ZFHX4: variants seen among roughly 807,000 people sequenced by gnomAD.
ZFHX4 encodes zinc finger homeobox 4.
In ZFHX4, 56 loss-of-function variants were observed where a neutral mutation model predicts 267.6. The ratio of observed to expected loss-of-function variants is 0.21; its 90% CI spans 0.17 to 0.26. The LOEUF (loss-of-function observed/expected upper bound fraction) is 0.26. Ranked by LOEUF, ZFHX4 falls within the 10% of genes least tolerant of loss-of-function variation. The pLI, the probability that ZFHX4 is intolerant of heterozygous loss-of-function variation, is 1.00. For missense variants in ZFHX4, 4,332 were observed against 4,420.0 expected (o/e 0.98, Z 0.56); for synonymous variants, 1,778 against 1,665.6 (o/e 1.07, Z -1.64).
At chr8:76,713,682 G>T (rs978171934) in intron 3 of ZFHX4, among the ~76,000 whole-genome samples, 1 of 152,114 alleles carries the variant, frequency 6.6e-6, no homozygotes, top group Non-Finnish European at 1.5e-5. Context: ...TTTTAATTAA[G>T]GGGAATGAAG....
chr8:76,833,239 C>T (rs1441718486), intron 4 of ZFHX4, 99 bp from the exon 5 acceptor site: 2 of 863,294 alleles, frequency 2.3e-6, no homozygotes, highest in East Asian at 2.6e-5. Context: ...TGATACTTAT[C>T]TCTCCTGACT....
At position 76,866,246 on chromosome 8, in the gene ZFHX4, T is replaced by C. The variant is rs916098577; in HGVS notation, c.*1681T>C. On this transcript the variant is annotated 3_prime_UTR_variant, in exon 11 of 11. Coordinates refer to ENST00000651372, the MANE Select transcript of ZFHX4 (RefSeq NM_024721.5). The stretch of plus-strand genomic sequence containing the variant: ...TAATATGAAGAAATGCAAAATGTAT[T>C]GCTTTTGATATTTCTCTTCCGAGAT... 6.6e-6 allele frequency: 1 copy of C among 152,640 alleles called. No homozygotes were observed. The highest frequency in any genetic ancestry group is 1.5e-5 in the Non-Finnish European group (1 of 68,036). 9.5% of individuals were successfully genotyped at this position (152,640 alleles called of 1,614,324 possible).
At chr8:76,778,491 TCACA>T (rs1491079901) in intron 4 of ZFHX4, 52 bp downstream of exon 4, 78 of 1,290,664 alleles carry the variant, frequency 6.0e-5, no homozygotes, top group Middle Eastern at 2.6e-4. Context: ...CACCACTTCA[TCACA>T]CACACACACA....
intron 4 of ZFHX4, among the ~76,000 whole-genome samples, chr8:76,827,309 C>T (rs911718535): frequency 3.3e-5 from 5 of 152,290 alleles, no homozygotes; most frequent in South Asian, 4.1e-4. Flanking sequence ...TAATCTGATG[C>T]GAGGTGGAGC....
intron 4 of ZFHX4, among the ~76,000 whole-genome samples, chr8:76,802,909 C>T (rs947333819): frequency 6.6e-6 from 1 of 152,068 alleles, no homozygotes; most frequent in Non-Finnish European, 1.5e-5. Flanking sequence ...AATGTAAATG[C>T]CCTTATTACG....
At chr8:76,736,668 T>C (rs1377855960) in intron 3 of ZFHX4, among the ~76,000 whole-genome samples, 1 of 152,154 alleles carries the variant, frequency 6.6e-6, no homozygotes, top group Admixed American at 6.6e-5. Flanking sequence ...AGATAATTTC[T>C]AGCCATTGAG....
Position 76,851,267 on chromosome 8 carries a change from C to T in ZFHX4, c.4346C>T (p.Pro1449Leu). The T allele has an allele frequency of 1.2e-6, 2 of 1,613,828 alleles. No individual in the cohort carries two copies. The highest frequency in any genetic ancestry group is 1.7e-6 in the Non-Finnish European group (2 of 1,179,818). The change falls in exon 10 of 11, where the codon CCT becomes CTT. Residue 1449 changes from proline (P) to leucine (L), a missense_variant. Pro to Leu is a moderately conservative substitution (Grantham distance 98). Around this residue, in one of 7 missense-constraint regions of ZFHX4, gnomAD observed 1,371 missense variants for 1,423.1 expected, o/e 0.96. Coordinates refer to ENST00000651372, the MANE Select transcript of ZFHX4 (RefSeq NM_024721.5). The part of the protein sequence containing the change: ...ALKKHLEAGH[P>L]ELSEAELQQL... Reference sequence around the variant, plus strand: ...AAAAAACACTTGGAAGCAGGCCACCCTGAACTGAGTGAAGCTGAACTTCAA... The same window carrying T: ...AAAAAACACTTGGAAGCAGGCCACCTTGAACTGAGTGAAGCTGAACTTCAA...
At chr8:76,811,095 C>A (rs1275731425) in intron 4 of ZFHX4, among the ~76,000 whole-genome samples, 1 of 152,122 alleles carries the variant, frequency 6.6e-6, no homozygotes, top group Non-Finnish European at 1.5e-5. Context: ...GACCAAGAGC[C>A]CACAAGCTAA....
chr8:76,843,985 T>A (rs554061568), intron 6 of ZFHX4, among the ~76,000 whole-genome samples: 1 of 152,250 alleles, frequency 6.6e-6, no homozygotes, highest in East Asian at 1.9e-4. Flanking sequence ...ATATACTGTC[T>A]AACATGTGAT....
At chr8:76,697,986 A>T (rs1585856897) in intron 1 of ZFHX4, among the ~76,000 whole-genome samples, 1 of 152,066 alleles carries the variant, frequency 6.6e-6, no homozygotes, top group Non-Finnish European at 1.5e-5. Flanking sequence ...GGCAAACAAC[A>T]GCTTTCTAGT....
In ZFHX4 at chr8:76,863,330, G is replaced by C. The variant is rs765671240; in HGVS notation, c.9616G>C (p.Glu3206Gln). The C allele has an allele frequency of 3.8e-5, 62 of 1,613,440 alleles. No individual in the cohort carries two copies. The highest frequency in any genetic ancestry group is 2.5e-5 in the Non-Finnish European group (29 of 1,179,792). The change falls in exon 11 of 11, where the codon GAA becomes CAA. Residue 3206 changes from glutamate to glutamine, a missense_variant. Glu to Gln is a conservative substitution (Grantham distance 29, BLOSUM62 2). Transcript: ENST00000651372. Reference sequence around the variant, plus strand: ...CAAGGTGAAAAAAATCAAAGAGGAGGAATTAGAGGCCACCAAACCCGAAAA... The same window carrying C: ...CAAGGTGAAAAAAATCAAAGAGGAGCAATTAGAGGCCACCAAACCCGAAAA... ...PNKVKKIKEEELEATKPEKHP... is the reference protein window; with the variant it reads ...PNKVKKIKEEQLEATKPEKHP...
At chr8:76,727,763 A>G (rs1300893280) in intron 3 of ZFHX4, among the ~76,000 whole-genome samples, 1 of 152,194 alleles carries the variant, frequency 6.6e-6, no homozygotes, top group Non-Finnish European at 1.5e-5. Flanking sequence ...CATTGAATAG[A>G]TAAGTAGTGC....
chr8:76,821,214 C>A (rs1811640179), intron 4 of ZFHX4, among the ~76,000 whole-genome samples: 1 of 152,144 alleles, frequency 6.6e-6, no homozygotes, highest in South Asian at 2.1e-4. Flanking sequence ...TTCCCATCAT[C>A]ATCTCAACCT....
chr8:76,709,599 T>C (rs1808369196), intron 3 of ZFHX4, among the ~76,000 whole-genome samples: 2 of 152,122 alleles, frequency 1.3e-5, no homozygotes, highest in Admixed American at 6.5e-5. Flanking sequence ...TCATGAACTG[T>C]GTTTATATTC....
chr8:76,817,494 T>C (rs1422021425), intron 4 of ZFHX4, among the ~76,000 whole-genome samples: 6 of 152,190 alleles, frequency 3.9e-5, no homozygotes, highest in Admixed American at 3.3e-4. Flanking sequence ...GAGGTGATTT[T>C]ATTACCATTT....
intron 1 of ZFHX4, among the ~76,000 whole-genome samples, chr8:76,691,089 G>A (rs1807812441): frequency 6.6e-6 from 1 of 152,062 alleles, no homozygotes; most frequent in African/African-American, 2.4e-5. Flanking sequence ...TCACTCAACT[G>A]TATTGGCTAT....
At chr8:76,788,403 T>C (rs1217318222) in intron 4 of ZFHX4, among the ~76,000 whole-genome samples, 1 of 152,222 alleles carries the variant, frequency 6.6e-6, no homozygotes, top group Non-Finnish European at 1.5e-5. Context: ...ATTGTAGAAC[T>C]TAGCATTCAG....
At chr8:76,860,555 T>C (rs957243372) in intron 10 of ZFHX4, among the ~76,000 whole-genome samples, 3 of 152,096 alleles carry the variant, frequency 2.0e-5, no homozygotes, top group African/African-American at 7.2e-5. Context: ...AAGCCAGTAA[T>C]TTCCTCAGAT....
Position 76,722,978 on chromosome 8 carries a change from A to G in ZFHX4, c.3093+14930A>G, listed in dbSNP as rs151257412. ...CAATTGAAATTTGCTTTGAAGAGGA[A>G]TGTAGCCATACTCATCAACTTGAAA... On this transcript the variant is annotated intron_variant, in intron 3 of 10. Coordinates refer to ENST00000651372, the MANE Select transcript of ZFHX4 (RefSeq NM_024721.5). Among the ~76,000 whole-genome samples, 25 of 152,170 alleles carry G rather than the reference A, an allele frequency of 1.6e-4. No homozygotes were observed. In the East Asian group the frequency reaches 4.6e-3, roughly 28 times the overall value.
Sources: gnomAD v4.1 joint callset for allele counts (sites outside exome capture counted in the v4.1 genomes callset) on GRCh38, gnomAD v4.1.1 for gene constraint, gnomAD v4.1.1 regional missense constraint, MANE v1.5 for transcripts, NCBI Gene and HGNC (gene_info 2026-07-23, HGNC 2026-07-21) for gene names.